The following PABPC1L variants were observed in gnomAD, a reference collection of about 807,000 sequenced individuals.
PABPC1L encodes the protein poly(A) binding protein cytoplasmic 1 like.
Under a neutral mutation model 66.6 loss-of-function variants are expected in PABPC1L, and 31 were observed. That is an observed-to-expected ratio of 0.47 (90% CI 0.35 to 0.63). PABPC1L has a LOEUF of 0.63. PABPC1L is among the 20% of genes least tolerant of loss of function. The pLI is 0.00. For missense variants in PABPC1L, 722 were observed against 848.8 expected, an observed-to-expected ratio of 0.85 and a Z score of 1.86; for synonymous variants, 348 against 335.1, an observed-to-expected ratio of 1.04 and a Z score of -0.42.
intron 13 of PABPC1L, 116 bp downstream of exon 13, chr20:44,938,307 G>T: frequency 7.4e-7 from 1 of 1,350,662 alleles, no homozygotes; most frequent in Non-Finnish European, 9.9e-7. Context: ...GTTTCTTCTT[G>T]CTAATACCTG....
intron 7 of PABPC1L, among the ~76,000 whole-genome samples, chr20:44,930,045 GTC>G (rs1164003165): frequency 1.3e-5 from 2 of 152,086 alleles, no homozygotes; most frequent in Non-Finnish European, 2.9e-5. Flanking sequence ...ACTCTTTCGA[GTC>G]TCTCTTATCC....
chr20:44,937,192 A>C (rs1271716134), intron 12 of PABPC1L: 3 of 348,536 alleles, frequency 8.6e-6, no homozygotes, highest in African/African-American at 6.5e-5. Context: ...TTTCCCATAG[A>C]TTCTGGATTC....
chr20:44,927,168 G>T (rs2066815640), intron 7 of PABPC1L, among the ~76,000 whole-genome samples: 1 of 152,010 alleles, frequency 6.6e-6, no homozygotes, highest in African/African-American at 2.4e-5. Context: ...TTATAGGCAT[G>T]AGCCACTGCA....
chr20:44,927,851 A>C (rs79513427), intron 7 of PABPC1L, among the ~76,000 whole-genome samples: 1,825 of 152,134 alleles, frequency 0.012, 31 homozygotes, highest in African/African-American at 0.039. Context: ...CTATGCCTGG[A>C]TAATTATTTT....
chr20:44,910,458 C>CA, intron 1 of PABPC1L, 122 bp downstream of exon 1: 1 of 1,159,186 alleles, frequency 8.6e-7, no homozygotes, highest in African/African-American at 1.6e-5. Context: ...AACTGAGGCT[C>CA]AAAGATAACA....
intron 10 of PABPC1L, among the ~76,000 whole-genome samples, chr20:44,933,442 A>C (rs1206329538): frequency 2.0e-5 from 3 of 151,776 alleles, no homozygotes; most frequent in Non-Finnish European, 4.4e-5. Flanking sequence ...AGAGAATTTA[A>C]ATGTTTTTTT....
At chr20:44,938,309 T>C in intron 13 of PABPC1L, 118 bp downstream of exon 13, 1 of 1,345,262 alleles carries the variant, frequency 7.4e-7, no homozygotes, top group Non-Finnish European at 9.9e-7. Context: ...TTCTTCTTGC[T>C]AATACCTGAA....
rs73296580 is a variant in PABPC1L, at chr20:44,935,496, G to A, written c.1565G>A (p.Arg522Gln). The A allele has an allele frequency of 2.5e-3, 3,983 of 1,613,870 alleles. 70 individuals are homozygous for A. In the African/African-American group the frequency reaches 0.039, roughly 16 times the overall value. The change falls in exon 11 of 15, where the codon CGG becomes CAG. Residue 522 changes from arginine (R) to glutamine (Q), a missense_variant and splice_region_variant. Arg to Gln is a conservative substitution (Grantham distance 43). Coordinates refer to ENST00000217073, the MANE Select transcript of PABPC1L (RefSeq NM_001372179.1). ...KCSSAAHSTY[R>Q]VQEPAVHIPG... ...TCCTCAGCAGCACATAGCACCTATCGGGTAAGGCCAGCCCAGCTGCCTGCT... is the reference window on the plus strand; with the variant it reads ...TCCTCAGCAGCACATAGCACCTATCAGGTAAGGCCAGCCCAGCTGCCTGCT...
chr20:44,939,262 C>A lies in PABPC1L; in HGVS notation c.*143C>A. 4 of 716,542 alleles carry A rather than the reference C, an allele frequency of 5.6e-6. No individual in the cohort carries two copies. The South Asian group carries it at 5.9e-5, about 11-fold the overall frequency. The allele number at this position is 716,542 out of a possible 1,614,324, so 44.4% of individuals were successfully genotyped here. ...GCTCTGTATGTGAATGAAGGTTGGT[C>A]ACCCATCCAGCCTATTACCTTTTGC... On this transcript the variant is annotated 3_prime_UTR_variant, in exon 15 of 15. Coordinates refer to ENST00000217073, the MANE Select transcript of PABPC1L (RefSeq NM_001372179.1).
chr20:44,912,485 C>A (rs768539088), intron 1 of PABPC1L, among the ~76,000 whole-genome samples, 175 bp from the exon 2 acceptor site: 1 of 152,162 alleles, frequency 6.6e-6, no homozygotes, highest in Non-Finnish European at 1.5e-5. Context: ...GCTTATCCTT[C>A]CTGAGCCTTT....
rs147437100 is a variant in PABPC1L at position 44,932,467 on chromosome 20, C to T, written c.1330+35C>T. The stretch of plus-strand genomic sequence containing the variant: ...CCAGCCCCTTCCACTCTCAGACTGG[C>T]CTATTGGTGTGGGCCCCGTGAGGCA... On this transcript the variant is annotated intron_variant, in intron 9 of 14. Coordinates refer to ENST00000217073, the MANE Select transcript of PABPC1L (RefSeq NM_001372179.1). The T allele has an allele frequency of 1.1e-5, 18 of 1,568,022 alleles. No individual in the cohort carries two copies. The African/African-American group carries it at 2.2e-4, about 19-fold the overall frequency.
At chr20:44,931,096 C>CCTTCCTTA (rs2066855373) in intron 8 of PABPC1L, among the ~76,000 whole-genome samples, 1 of 125,834 alleles carries the variant, frequency 7.9e-6, no homozygotes, top group Non-Finnish European at 1.7e-5. Context: ...TCCCTTCCTT[C>CCTTCCTTA]CTTCCTTCCT....
At chr20:44,935,997 CTT>C (rs1330939749) in intron 11 of PABPC1L, among the ~76,000 whole-genome samples, 1 of 150,928 alleles carries the variant, frequency 6.6e-6, no homozygotes, top group Non-Finnish European at 1.5e-5. Context: ...TGGACAGGGT[CTT>C]TTTTTTGACA....
chr20:44,920,697 G>A (rs2066766733), intron 5 of PABPC1L, among the ~76,000 whole-genome samples: 1 of 151,614 alleles, frequency 6.6e-6, no homozygotes, highest in Non-Finnish European at 1.5e-5. Flanking sequence ...TCGAACTCGT[G>A]ACCTCAAGTG....
rs376468186 is a variant in PABPC1L at position 44,918,931 on chromosome 20, C to T, written c.529C>T (p.Arg177Trp). The change falls in exon 4 of 15, where the codon CGG (arginine) becomes TGG (tryptophan). Residue 177 changes from arginine (R) to tryptophan (W), a missense_variant. Around this residue, in one of 3 missense-constraint regions of PABPC1L, gnomAD observed 284 missense variants for 294.8 expected, o/e 0.96. Coordinates refer to ENST00000217073, the MANE Select transcript of PABPC1L (RefSeq NM_001372179.1). ...CTTTGTGGGTCACTTCAAGTCTCGACGGGAGCGGGAGGCGGAGCTGGGGGC... is the reference window on the plus strand; with the variant it reads ...CTTTGTGGGTCACTTCAAGTCTCGATGGGAGCGGGAGGCGGAGCTGGGGGC... The part of the protein sequence containing the change: ...KVFVGHFKSR[R>W]EREAELGARA... 35 of 1,603,568 alleles carry T rather than the reference C, an allele frequency of 2.2e-5. No homozygotes were observed. In the African/African-American group the frequency reaches 2.5e-4, roughly 12 times the overall value.
At chr20:44,910,865 G>C (rs568203163) in intron 1 of PABPC1L, among the ~76,000 whole-genome samples, 4 of 152,314 alleles carry the variant, frequency 2.6e-5, no homozygotes, top group South Asian at 2.1e-4. Flanking sequence ...CTACCTGCAC[G>C]GGCTCTGAAA....
rs752274463 is a variant in PABPC1L at position 44,910,153 on chromosome 20, A to G, written c.10A>G (p.Ser4Gly). 18 of 1,565,504 alleles carry G rather than the reference A, an allele frequency of 1.1e-5. No homozygotes were observed. The African/African-American group carries it at 2.5e-4, about 21-fold the overall frequency. Residue 4 changes from serine to glycine, a missense_variant, in exon 1 of 15, where the codon AGC becomes GGC. Around this residue, in one of 3 missense-constraint regions of PABPC1L, gnomAD observed 284 missense variants for 294.8 expected, o/e 0.96. Coordinates refer to ENST00000217073, the MANE Select transcript of PABPC1L (RefSeq NM_001372179.1). ...CGGCCCCCTGCCCACCATGAACGCC[A>G]GCGGTTCTGGCTACCCGCTTGCCTC... The part of the protein sequence containing the change: MNA[S>G]GSGYPLASLY...
At chr20:44,930,008 C>T (rs1317659375) in intron 7 of PABPC1L, among the ~76,000 whole-genome samples, 1 of 152,052 alleles carries the variant, frequency 6.6e-6, no homozygotes, top group Non-Finnish European at 1.5e-5. Flanking sequence ...ACGTATGAAC[C>T]ACAGGCTGAG....
At chr20:44,923,115 G>A (rs137916244) in intron 6 of PABPC1L, among the ~76,000 whole-genome samples, 39 of 152,288 alleles carry the variant, frequency 2.6e-4, no homozygotes, top group African/African-American at 8.9e-4. Flanking sequence ...GTTGTGTTTG[G>A]GAGGTCTGGA....
Sources: gnomAD v4.1 joint callset for allele counts (sites outside exome capture counted in the v4.1 genomes callset) on GRCh38, gnomAD v4.1.1 for gene constraint, gnomAD v4.1.1 regional missense constraint, MANE v1.5 for transcripts, NCBI Gene and HGNC (gene_info 2026-07-23, HGNC 2026-07-21) for gene names.